Variants in DOK6 observed in about 807,000 individuals in gnomAD.
DOK6 encodes the protein docking protein 6.
Under a neutral mutation model 44.0 loss-of-function variants are expected in DOK6, and 22 were observed. The observed-to-expected ratio is 0.50, with a 90% CI of 0.36 to 0.71. DOK6 has a LOEUF of 0.71. DOK6 is among the 30% of genes least tolerant of loss of function. The probability of loss-of-function intolerance (pLI) is 0.00; values close to 1 mark genes in which losing one functional copy is unlikely to be tolerated. For missense variants in DOK6, 340 were observed against 416.4 expected, an observed-to-expected ratio of 0.82 and a Z score of 1.60; for synonymous variants, 166 against 145.5, an observed-to-expected ratio of 1.14 and a Z score of -1.01.
intron 7 of DOK6, among the ~76,000 whole-genome samples, chr18:69,813,423 T>C (rs1981301709): frequency 6.6e-6 from 1 of 152,088 alleles, no homozygotes; most frequent in African/African-American, 2.4e-5. Flanking sequence ...CCTGGGAGTA[T>C]AAAAATGTTG....
intron 5 of DOK6, 142 bp from the exon 6 acceptor site, chr18:69,738,823 T>A: frequency 2.0e-6 from 2 of 978,460 alleles, no homozygotes; most frequent in South Asian, 3.6e-5. Context: ...TTGGTTGGTT[T>A]GGTTACGGCT....
At chr18:69,653,563 G>A (rs1985286776) in intron 3 of DOK6, among the ~76,000 whole-genome samples, 1 of 152,196 alleles carries the variant, frequency 6.6e-6, no homozygotes, top group African/African-American at 2.4e-5. Context: ...CACCAAGGAA[G>A]AGGGACTTCT....
intron 3 of DOK6, among the ~76,000 whole-genome samples, chr18:69,615,804 G>T (rs1984269985): frequency 6.6e-6 from 1 of 152,176 alleles, no homozygotes; most frequent in Admixed American, 6.5e-5. Context: ...GCCCTGTAGT[G>T]ACCAGCCTCT....
intron 1 of DOK6, among the ~76,000 whole-genome samples, chr18:69,442,007 T>C (rs1323299318): frequency 6.6e-6 from 1 of 152,162 alleles, no homozygotes; most frequent in African/African-American, 2.4e-5. Context: ...CCCCGGAACA[T>C]GCAGAGATAG....
chr18:69,677,816 C>T lies in DOK6; in HGVS notation c.372C>T (p.Pro124=), dbSNP rs368721580. The T allele has an allele frequency of 8.1e-6, 13 of 1,613,604 alleles. No homozygotes were observed. The highest frequency in any genetic ancestry group is 6.7e-5 in the Admixed American group (4 of 59,986). Residue 124 remains proline, a synonymous_variant, in exon 4 of 8, where the codon CCC becomes CCT. Transcript: ENST00000382713. The part of the protein sequence containing the change: ...TRLNDISLGE[P]DLLAAGVQRE... ...TCAATGATATCAGCCTTGGGGAGCCCGACCTTCTGGCCGCAGGAGTGCAGC... is the reference window on the plus strand; with the variant it reads ...TCAATGATATCAGCCTTGGGGAGCCTGACCTTCTGGCCGCAGGAGTGCAGC...
rs1982391518 is a variant in DOK6 at position 69,848,110 on chromosome 18, T to C, written c.*6727T>C. On this transcript the variant is annotated 3_prime_UTR_variant, in exon 8 of 8. Coordinates refer to ENST00000382713, the MANE Select transcript of DOK6 (RefSeq NM_152721.6). Reference sequence around the variant, plus strand: ...TGTGTGTTCCACTGAAGTTATCTTTTCCTTAATAGATTCACACAGAATTAC... The same window carrying C: ...TGTGTGTTCCACTGAAGTTATCTTTCCCTTAATAGATTCACACAGAATTAC... 6.6e-6 allele frequency: 1 copy of C among 151,978 alleles called. No homozygotes were observed. The allele number at this position is 151,978 out of a possible 1,614,324, so 9.4% of individuals were successfully genotyped here.
At chr18:69,763,298 A>G (rs1979621435) in intron 7 of DOK6, among the ~76,000 whole-genome samples, 1 of 152,198 alleles carries the variant, frequency 6.6e-6, no homozygotes, top group African/African-American at 2.4e-5. Context: ...CTTTTTTGCC[A>G]GAGTATCATA....
chr18:69,711,233 A>G (rs956458649), intron 5 of DOK6, among the ~76,000 whole-genome samples: 2 of 152,232 alleles, frequency 1.3e-5, no homozygotes, highest in African/African-American at 2.4e-5. Context: ...ATTTCCAAAT[A>G]AATATTTTCA....
rs937410122 is a variant in DOK6, at chr18:69,579,869, C to T, written c.174+15275C>T. On this transcript the variant is annotated intron_variant, in intron 2 of 7. Coordinates refer to ENST00000382713, the MANE Select transcript of DOK6 (RefSeq NM_152721.6). ...ATCCTCGTGGAGCGGTCGATCCGCC[C>T]GCCTCAACCCCCCAAATTGCTGGGA... Among the ~76,000 whole-genome samples the T allele has an allele frequency of 1.8e-4, 28 of 152,128 alleles. 1 individual carries two copies. The highest frequency in any genetic ancestry group is 5.6e-4 in the African/African-American group (23 of 41,420).
chr18:69,619,645 G>A (rs1353120780), intron 3 of DOK6, among the ~76,000 whole-genome samples: 1 of 152,150 alleles, frequency 6.6e-6, no homozygotes, highest in Non-Finnish European at 1.5e-5. Flanking sequence ...GAAAATGAAT[G>A]AACTAATTGT....
intron 7 of DOK6, among the ~76,000 whole-genome samples, chr18:69,805,636 T>G (rs895479439): frequency 6.6e-6 from 1 of 152,062 alleles, no homozygotes; most frequent in Non-Finnish European, 1.5e-5. Flanking sequence ...CATGAATATG[T>G]GGGGAAACAA....
At chr18:69,682,329 T>C (rs573357479) in intron 4 of DOK6, among the ~76,000 whole-genome samples, 1 of 152,308 alleles carries the variant, frequency 6.6e-6, no homozygotes, top group South Asian at 2.1e-4. Context: ...AATGTTGTGT[T>C]ACCAGTCAAC....
chr18:69,759,760 T>C (rs969694370), intron 7 of DOK6, among the ~76,000 whole-genome samples: 1 of 152,230 alleles, frequency 6.6e-6, no homozygotes, highest in Admixed American at 6.5e-5. Flanking sequence ...CTCACTGATG[T>C]TAACTTGCAG....
At chr18:69,549,468 C>G (rs561789227) in intron 1 of DOK6, among the ~76,000 whole-genome samples, 2 of 151,686 alleles carry the variant, frequency 1.3e-5, no homozygotes, top group South Asian at 4.2e-4. Context: ...CCTGCTCCCT[C>G]TACAAATTCT....
chr18:69,547,523 A>G (rs1206994176), intron 1 of DOK6, among the ~76,000 whole-genome samples: 1 of 151,498 alleles, frequency 6.6e-6, no homozygotes, highest in Non-Finnish European at 1.5e-5. Flanking sequence ...ACCTCCCAGC[A>G]GGCCTCACCT....
chr18:69,847,246 GT>G lies in DOK6; in HGVS notation c.*5865del, dbSNP rs1191571445. The G allele has an allele frequency of 2.0e-5, 3 of 152,120 alleles. No homozygotes were observed. The highest frequency in any genetic ancestry group is 7.2e-5 in the African/African-American group (3 of 41,422). The allele number at this position is 152,120 out of a possible 1,614,324, so 9.4% of individuals were successfully genotyped here. The stretch of plus-strand genomic sequence containing the variant: ...TCATTATTTTGGGCCCATGTTAGCA[GT>G]TGAAACAATTAAGTTCCTCACTCTT... On this transcript the variant is annotated 3_prime_UTR_variant, in exon 8 of 8. Coordinates refer to ENST00000382713, the MANE Select transcript of DOK6 (RefSeq NM_152721.6).
intron 7 of DOK6, among the ~76,000 whole-genome samples, chr18:69,761,457 C>A (rs1168647949): frequency 6.6e-6 from 1 of 152,152 alleles, no homozygotes; most frequent in Non-Finnish European, 1.5e-5. Context: ...ACATGACTAG[C>A]TACCTGCTGT....
rs984396215 is a variant in DOK6, at chr18:69,401,429, T to C, written c.66+119T>C. 789 of 1,162,578 alleles carry C rather than the reference T, an allele frequency of 6.8e-4. 1 individual carries two copies. The highest frequency in any genetic ancestry group is 9.0e-4 in the Admixed American group (22 of 24,474). 72.0% of individuals were successfully genotyped at this position (1,162,578 alleles called of 1,614,324 possible). ...ACAGGGCAGAGAGGGACCCGGCCCTTAGGCGGATGGCCCGCTTGTTGCTTG... is the reference window on the plus strand; with the variant it reads ...ACAGGGCAGAGAGGGACCCGGCCCTCAGGCGGATGGCCCGCTTGTTGCTTG... On this transcript the variant is annotated intron_variant, in intron 1 of 7. Coordinates refer to ENST00000382713, the MANE Select transcript of DOK6 (RefSeq NM_152721.6).
chr18:69,546,208 T>C (rs1982399588), intron 1 of DOK6, among the ~76,000 whole-genome samples: 1 of 144,990 alleles, frequency 6.9e-6, no homozygotes, highest in South Asian at 2.3e-4. Context: ...ACCTGGGAGG[T>C]CGAGGTTGCG....
Sources: allele counts gnomAD v4.1 joint callset (sites outside exome capture counted in the v4.1 genomes callset), GRCh38; gene constraint gnomAD v4.1.1; transcripts MANE v1.5; gene names NCBI Gene and HGNC (gene_info 2026-07-23, HGNC 2026-07-21).